TM9SF4: variants seen among roughly 807,000 people sequenced by gnomAD.
TM9SF4 encodes transmembrane 9 superfamily member 4, also known as dinucleotide oxidase disulfide thiol exchanger 3 superfamily member 4.
A neutral mutation model predicts 90.4 loss-of-function variants in TM9SF4; 26 were observed. That is an observed-to-expected ratio of 0.29 (90% CI 0.21 to 0.40). TM9SF4 has a LOEUF of 0.40. TM9SF4 is among the 10% of genes least tolerant of loss of function. TM9SF4 has a pLI of 1.00. For synonymous variants in TM9SF4, 293 were observed against 315.4 expected, an observed-to-expected ratio of 0.93 and a Z score of 0.75; for missense variants, 549 against 834.8, an observed-to-expected ratio of 0.66 and a Z score of 4.22.
intron 1 of TM9SF4, among the ~76,000 whole-genome samples, chr20:32,123,097 G>A (rs1248714921): frequency 1.6e-4 from 24 of 146,054 alleles, no homozygotes; most frequent in African/African-American, 6.1e-4. Context: ...CAGGGAGGTT[G>A]CAGTGAGCCG....
At chr20:32,135,471 A>G (rs1341710031) in intron 2 of TM9SF4, among the ~76,000 whole-genome samples, 2 of 152,238 alleles carry the variant, frequency 1.3e-5, no homozygotes, top group Non-Finnish European at 2.9e-5. Flanking sequence ...TTTAAAAAAC[A>G]GGGAAACTAA....
At position 32,133,006 on chromosome 20, in the gene TM9SF4, T is replaced by C; in HGVS notation, c.16-7T>C. The C allele has an allele frequency of 6.2e-7, 1 of 1,613,362 alleles. No individual in the cohort carries two copies. The highest frequency in any genetic ancestry group is 1.1e-5 in the South Asian group (1 of 91,052). On this transcript the variant is annotated splice_polypyrimidine_tract_variant and splice_region_variant and intron_variant, in intron 1 of 17. Coordinates refer to ENST00000398022, the MANE Select transcript of TM9SF4 (RefSeq NM_014742.4). ...CCCAATCCAACCCTGGCCTCTCTTC[T>C]GAGCAGGATTGGTTGCCGTGGTCTT...
chr20:32,165,514 C>A lies in TM9SF4; in HGVS notation c.*70C>A. On this transcript the variant is annotated 3_prime_UTR_variant, in exon 18 of 18. Transcript: ENST00000398022. ...GCCACCCTGCGTGGGGGACTGCAGG[C>A]ACGCAAAATAAAATAACTCCTGCTC... 6.4e-7 allele frequency: 1 copy of A among 1,561,780 alleles called. No individual in the cohort carries two copies. The highest frequency in any genetic ancestry group is 8.8e-7 in the Non-Finnish European group (1 of 1,138,622).
chr20:32,129,218 G>A (rs917717483), intron 1 of TM9SF4, among the ~76,000 whole-genome samples: 1 of 152,114 alleles, frequency 6.6e-6, no homozygotes, highest in South Asian at 2.1e-4. Flanking sequence ...TATCGGCCAG[G>A]TGCAGTGACT....
At chr20:32,160,140 G>GAGGGAGAACTGGATCC in intron 16 of TM9SF4, 29 bp downstream of exon 16, 1 of 1,613,882 alleles carries the variant, frequency 6.2e-7, no homozygotes, top group South Asian at 1.1e-5. Flanking sequence ...GGAGGCGGGG[G>GAGGGAGAACTGGATCC]AGGGAGAACT....
intron 1 of TM9SF4, among the ~76,000 whole-genome samples, chr20:32,118,587 G>A (rs555490717): frequency 1.3e-5 from 2 of 149,050 alleles, no homozygotes; most frequent in South Asian, 2.2e-4. Context: ...CAGCCTAAAT[G>A]TATTTATTTT....
At position 32,145,162 on chromosome 20, in the gene TM9SF4, C is replaced by T. The variant is rs750674166; in HGVS notation, c.724C>T (p.Pro242Ser). The T allele has an allele frequency of 2.0e-5, 33 of 1,614,000 alleles. No homozygotes were observed. Among genetic ancestry groups the T allele is most frequent in the Non-Finnish European group, 2.6e-5 (31 of 1,180,036 alleles). Residue 242 changes from proline to serine, a missense_variant, in exon 7 of 18, where the codon CCC becomes TCC. Around this residue, in one of 2 missense-constraint regions of TM9SF4, gnomAD observed 495 missense variants for 711.7 expected, o/e 0.70. Transcript: ENST00000398022. Reference protein sequence around the residue: ...GTNSSPQEIDPTKENQLYFTY... With the variant: ...GTNSSPQEIDSTKENQLYFTY... ...CAACTCCTCGCCCCAAGAAATTGACCCCACCAAGGAGAATCAGCTGTACTT... is the reference window on the plus strand; with the variant it reads ...CAACTCCTCGCCCCAAGAAATTGACTCCACCAAGGAGAATCAGCTGTACTT...
chr20:32,146,910 G>C (rs1444359894), intron 9 of TM9SF4, 55 bp downstream of exon 9: 2 of 1,503,132 alleles, frequency 1.3e-6, no homozygotes, highest in African/African-American at 1.4e-5. Flanking sequence ...GAGGAGGACC[G>C]TGTGTGTGCA....
chr20:32,150,919 G>T, intron 12 of TM9SF4, 44 bp downstream of exon 12: 1 of 1,605,944 alleles, frequency 6.2e-7, no homozygotes, highest in Non-Finnish European at 8.5e-7. Flanking sequence ...AAGCAGAGAA[G>T]CTTCTTCCTG....
At chr20:32,109,905 G>A (rs2046114983) in intron 1 of TM9SF4, 150 bp downstream of exon 1, 1 of 1,480,614 alleles carries the variant, frequency 6.8e-7, no homozygotes, top group African/African-American at 1.4e-5. Context: ...TGTCTTCCCC[G>A]AAATCCACCT....
intron 1 of TM9SF4, among the ~76,000 whole-genome samples, chr20:32,114,253 C>G (rs2046189523): frequency 1.3e-5 from 2 of 152,200 alleles, no homozygotes. Flanking sequence ...TAAATGACAT[C>G]AAGATTCCTT....
chr20:32,117,868 ACATCTCT>A (rs1450894832), intron 1 of TM9SF4, among the ~76,000 whole-genome samples: 1 of 152,194 alleles, frequency 6.6e-6, no homozygotes, highest in Non-Finnish European at 1.5e-5. Flanking sequence ...GGGCTGGTTC[ACATCTCT>A]TAGGACTCTT....
chr20:32,148,947 G>A (rs561872593), intron 9 of TM9SF4, among the ~76,000 whole-genome samples: 3 of 152,274 alleles, frequency 2.0e-5, no homozygotes, highest in African/African-American at 7.2e-5. Flanking sequence ...TGGGATTACA[G>A]GCGTGAGCCA....
chr20:32,150,128 A>G (rs1445752220), intron 10 of TM9SF4, among the ~76,000 whole-genome samples: 1 of 152,174 alleles, frequency 6.6e-6, no homozygotes, highest in Non-Finnish European at 1.5e-5. Context: ...CAAAAACCCC[A>G]CTAATATATA....
At chr20:32,158,983 A>T (rs2122471214) in intron 15 of TM9SF4, among the ~76,000 whole-genome samples, 4 of 148,222 alleles carry the variant, frequency 2.7e-5, no homozygotes, top group African/African-American at 9.8e-5. Context: ...CTCCATCTAA[A>T]AAAAAAAAAA....
At chr20:32,121,360 C>T (rs1413962555) in intron 1 of TM9SF4, among the ~76,000 whole-genome samples, 4 of 151,972 alleles carry the variant, frequency 2.6e-5, no homozygotes, top group African/African-American at 4.8e-5. Flanking sequence ...CCTTCTGCAG[C>T]GTTTGTGTCC....
intron 16 of TM9SF4, 110 bp downstream of exon 16, chr20:32,160,221 C>A: frequency 6.6e-7 from 1 of 1,506,774 alleles, no homozygotes; most frequent in Non-Finnish European, 9.0e-7. Context: ...GTGGCCCCTG[C>A]TTCTGGCTCT....
intron 1 of TM9SF4, among the ~76,000 whole-genome samples, chr20:32,128,926 A>G (rs1313160934): frequency 1.3e-5 from 2 of 151,920 alleles, no homozygotes; most frequent in Non-Finnish European, 2.9e-5. Flanking sequence ...GGTGGGTGGA[A>G]GTTCCTCCAT....
At chr20:32,144,424 A>C (rs2046729726) in intron 6 of TM9SF4, among the ~76,000 whole-genome samples, 1 of 152,260 alleles carries the variant, frequency 6.6e-6, no homozygotes, top group Admixed American at 6.5e-5. Context: ...ATGAATGAGT[A>C]GGCATGATGG....
Sources: allele counts gnomAD v4.1 joint callset (sites outside exome capture counted in the v4.1 genomes callset), GRCh38; gene constraint gnomAD v4.1.1; regional missense constraint gnomAD v4.1.1; transcripts MANE v1.5; gene names NCBI Gene and HGNC (gene_info 2026-07-23, HGNC 2026-07-21).